RBFOX1: variants seen among roughly 807,000 people sequenced by gnomAD.
RBFOX1 encodes the protein RNA binding protein fox-1 homolog 1.
In RBFOX1, 8 loss-of-function variants were observed where a neutral mutation model predicts 57.7. That is an observed-to-expected ratio of 0.14 (90% CI 0.08 to 0.25). RBFOX1 has a LOEUF of 0.25. RBFOX1 is among the 10% of genes least tolerant of loss of function. RBFOX1 has a pLI of 1.00. For missense variants in RBFOX1, 611 were observed against 548.5 expected, an observed-to-expected ratio of 1.11 and a Z score of -1.14; for synonymous variants, 326 against 222.4, an observed-to-expected ratio of 1.47 and a Z score of -4.15.
chr16:5,511,320 A>G (rs1414672221), intron 2 of RBFOX1, among the ~76,000 whole-genome samples: 1 of 152,248 alleles, frequency 6.6e-6, no homozygotes, highest in Non-Finnish European at 1.5e-5. Flanking sequence ...TGCAAAGCTA[A>G]GAGGAGCTGA....
intron 3 of RBFOX1, among the ~76,000 whole-genome samples, chr16:5,654,121 C>T (rs1303173221): frequency 3.9e-5 from 6 of 152,174 alleles, no homozygotes; most frequent in African/African-American, 7.2e-5. Context: ...AATACTAGCT[C>T]GAGCATGCAC....
chr16:7,257,765 A>C (rs1202958972), intron 4 of RBFOX1, among the ~76,000 whole-genome samples: 2 of 152,186 alleles, frequency 1.3e-5, no homozygotes, highest in Non-Finnish European at 2.9e-5. Context: ...AGAACTCTGC[A>C]GATTTGAATG....
intron 2 of RBFOX1, among the ~76,000 whole-genome samples, chr16:6,488,864 C>A (rs1341821807): frequency 2.0e-5 from 3 of 152,102 alleles, no homozygotes; most frequent in African/African-American, 4.8e-5. Flanking sequence ...AGTAATTATA[C>A]CCTAGGTAAT....
chr16:7,451,144 C>A (rs1598735675), intron 4 of RBFOX1, among the ~76,000 whole-genome samples: 1 of 152,250 alleles, frequency 6.6e-6, no homozygotes, highest in East Asian at 1.9e-4. Flanking sequence ...CAGAAAACAT[C>A]CAGCTTTCTG....
intron 3 of RBFOX1, among the ~76,000 whole-genome samples, chr16:6,842,420 G>A (rs933633270): frequency 2.0e-5 from 3 of 152,048 alleles, no homozygotes; most frequent in African/African-American, 4.8e-5. Flanking sequence ...ATTATTCACT[G>A]TTTGGGCAAC....
At chr16:5,940,374 G>A (rs1050559502) in intron 4 of RBFOX1, among the ~76,000 whole-genome samples, 7 of 152,230 alleles carry the variant, frequency 4.6e-5, no homozygotes, top group South Asian at 4.1e-4. Context: ...CAATGTTCAC[G>A]TTCTCATTTG....
At chr16:5,901,295 A>T (rs1046549885) in intron 4 of RBFOX1, among the ~76,000 whole-genome samples, 4 of 152,122 alleles carry the variant, frequency 2.6e-5, no homozygotes. Flanking sequence ...AAACAATTTT[A>T]TGCTCTGGTA....
chr16:6,671,759 C>T (rs550660903), intron 3 of RBFOX1, among the ~76,000 whole-genome samples: 1 of 152,186 alleles, frequency 6.6e-6, no homozygotes, highest in Non-Finnish European at 1.5e-5. Flanking sequence ...ATAACAGTTT[C>T]CAGTCCCATC....
At chr16:7,298,881 G>C (rs762999554) in intron 4 of RBFOX1, among the ~76,000 whole-genome samples, 5 of 152,164 alleles carry the variant, frequency 3.3e-5, no homozygotes, top group African/African-American at 9.7e-5. Context: ...GGTTGGTCTT[G>C]CTATCTCTGG....
In RBFOX1 at chr16:5,454,752, T is replaced by TTCTTTCTTTCCTTTTCTTC. The variant is rs1181229404; in HGVS notation, c.220-12459_220-12458insCTTTCCTTTTCTTCTCTTT. On this transcript the variant is annotated intron_variant, in intron 1 of 2. Transcript: ENST00000585867. ...CTCTCTTTCTTTCTTTCTTTTTCTT[T>TTCTTTCTTTCCTTTTCTTC]TCTTTTCTTTCTTTCTCTTTCTTTC... is the stretch of plus-strand genomic sequence containing the variant. 1.2e-3 allele frequency among the ~76,000 whole-genome samples: 163 copies of TTCTTTCTTTCCTTTTCTTC among 133,018 alleles called. 4 individuals are homozygous for TTCTTTCTTTCCTTTTCTTC. In the South Asian group the frequency reaches 0.013, roughly 11 times the overall value. The allele number at this position is 133,018 out of a possible 152,430, so 87.3% of individuals were successfully genotyped here.
intron 4 of RBFOX1, among the ~76,000 whole-genome samples, chr16:7,385,900 A>G (rs756150189): frequency 6.6e-6 from 1 of 151,018 alleles, no homozygotes; most frequent in Non-Finnish European, 1.5e-5. Flanking sequence ...TTACAGGCAC[A>G]TGCCACCATG....
At chr16:5,308,744 A>G (rs1395836459) in intron 1 of RBFOX1, among the ~76,000 whole-genome samples, 1 of 100,930 alleles carries the variant, frequency 9.9e-6, no homozygotes, top group Non-Finnish European at 2.5e-5. Flanking sequence ...TGCCTTTGCT[A>G]TGTGTTACAT....
Position 5,503,311 on chromosome 16 carries a change from C to T in RBFOX1, c.258+36057C>T, listed in dbSNP as rs528366120. ...GAGTTGTACCCGTGGGAAGTAATTT[C>T]ACCACTGTCCCCCACTCTTGAATCT... On this transcript the variant is annotated intron_variant, in intron 2 of 2. Coordinates refer to the RBFOX1 transcript ENST00000585867. Among the ~76,000 whole-genome samples, 31 of 152,354 alleles carry T rather than the reference C, an allele frequency of 2.0e-4. No homozygotes were observed. The East Asian group carries it at 2.7e-3, about 13-fold the overall frequency.
intron 4 of RBFOX1, among the ~76,000 whole-genome samples, chr16:7,170,470 C>T (rs1053129047): frequency 1.3e-5 from 2 of 152,042 alleles, no homozygotes; most frequent in Non-Finnish European, 2.9e-5. Flanking sequence ...AAGATAGAGT[C>T]TTGGCGTGTT....
intron 4 of RBFOX1, among the ~76,000 whole-genome samples, chr16:7,075,782 G>A (rs186726515): frequency 6.6e-6 from 1 of 152,068 alleles, no homozygotes; most frequent in East Asian, 1.9e-4. Context: ...GGATTTCACC[G>A]TTTTAGCCAG....
intron 2 of RBFOX1, among the ~76,000 whole-genome samples, chr16:6,436,269 A>G (rs985145920): frequency 7.2e-5 from 11 of 152,196 alleles, no homozygotes; most frequent in African/African-American, 2.2e-4. Context: ...ATGGTAATGC[A>G]GTATCTTGAA....
rs1329040253 is a variant in RBFOX1 at position 7,217,375 on chromosome 16, C to T, written c.27+165277C>T. Reference sequence around the variant, plus strand: ...TGAACTCCTGACCTTAGGTGATGTCCACCTTGGCCTCCCAAAGTGCTGGGA... The same window carrying T: ...TGAACTCCTGACCTTAGGTGATGTCTACCTTGGCCTCCCAAAGTGCTGGGA... On this transcript the variant is annotated intron_variant, in intron 4 of 15. Transcript: ENST00000550418. Among the ~76,000 whole-genome samples the T allele has an allele frequency of 4.8e-5, 7 of 146,954 alleles. No individual in the cohort carries two copies. In the South Asian group the frequency reaches 1.1e-3, roughly 22 times the overall value.
chr16:5,639,139 G>A (rs757624492), intron 3 of RBFOX1, among the ~76,000 whole-genome samples: 92 of 152,174 alleles, frequency 6.0e-4, no homozygotes, highest in African/African-American at 2.0e-3. Context: ...CTGATCCTGC[G>A]GTACAATACA....
chr16:6,931,567 C>G (rs1033415689), intron 3 of RBFOX1, among the ~76,000 whole-genome samples: 5 of 152,124 alleles, frequency 3.3e-5, no homozygotes, highest in Admixed American at 1.3e-4. Context: ...TCAATTCACA[C>G]TCTTGCCACC....
Sources: gnomAD v4.1 joint callset for allele counts (sites outside exome capture counted in the v4.1 genomes callset) on GRCh38, gnomAD v4.1.1 for gene constraint, MANE v1.5 for transcripts, NCBI Gene and HGNC (gene_info 2026-07-23, HGNC 2026-07-21) for gene names.